FAT3: variants seen among roughly 807,000 people sequenced by gnomAD.
FAT3 encodes the protein protocadherin Fat 3.
Under a neutral mutation model 310.2 loss-of-function variants are expected in FAT3, and 95 were observed. The ratio of observed to expected loss-of-function variants is 0.31; its 90% confidence interval spans 0.26 to 0.36. FAT3 has a LOEUF of 0.36. Among genes scored for constraint, FAT3 ranks in the 10% least tolerant of loss-of-function variants. FAT3 has a pLI of 1.00. For missense variants in FAT3, 5,408 were observed against 5,715.6 expected (o/e 0.95, Z 1.74); for synonymous variants, 2,314 against 2,192.9 (o/e 1.06, Z -1.54).
rs527901788 is a variant in FAT3, at chr11:92,570,598, C to T, written c.3607+45650C>T. Among the ~76,000 whole-genome samples, 10 of 152,160 alleles carry T rather than the reference C, an allele frequency of 6.6e-5. No homozygotes were observed. The East Asian group carries it at 1.7e-3, about 26-fold the overall frequency. ...ACCCATCAGAATATTCTAAAGAAAA[C>T]CTATAGGTAAGATTTGGGTATTTAT... On this transcript the variant is annotated intron_variant, in intron 3 of 27. Coordinates refer to ENST00000525166, the MANE Select transcript of FAT3 (RefSeq NM_001367949.2).
intron 9 of FAT3, among the ~76,000 whole-genome samples, chr11:92,793,619 A>G (rs1327046707): frequency 6.6e-6 from 1 of 152,224 alleles, no homozygotes. Flanking sequence ...ACTGATAGCT[A>G]GAAAGCTTTT....
At chr11:92,359,197 A>T (rs1948812681) in intron 2 of FAT3, among the ~76,000 whole-genome samples, 1 of 152,190 alleles carries the variant, frequency 6.6e-6, no homozygotes, top group Non-Finnish European at 1.5e-5. Flanking sequence ...AGCTCCTCAG[A>T]CAGTGGCTAC....
At position 92,418,485 on chromosome 11, in the gene FAT3, G is replaced by A. The variant is rs559576355; in HGVS notation, c.3292+63081G>A. Among the ~76,000 whole-genome samples, 31 of 119,672 alleles carry A rather than the reference G, an allele frequency of 2.6e-4. 1 individual carries two copies. Among genetic ancestry groups the A allele is most frequent in the African/African-American group, 1.0e-3 (31 of 29,836 alleles). 78.5% of individuals were successfully genotyped at this position (119,672 alleles called of 152,430 possible). A position where few individuals can be genotyped will look rare whatever the true frequency, so the allele number is the denominator to read the frequency against. ...TTTCATCATAACAATTTTTGGCATC[G>A]ATTAGACTCTGTGCCTTGCTGTTGT... On this transcript the variant is annotated intron_variant, in intron 2 of 27. Transcript: ENST00000525166.
chr11:92,751,416 C>A (rs527373301), intron 4 of FAT3, among the ~76,000 whole-genome samples: 15 of 152,324 alleles, frequency 9.8e-5, no homozygotes, highest in African/African-American at 3.6e-4. Context: ...ACCACCCAGG[C>A]CCTCCCTCTC....
chr11:92,343,323 ATT>A (rs34180558), intron 1 of FAT3, among the ~76,000 whole-genome samples: 6 of 151,456 alleles, frequency 4.0e-5, no homozygotes, highest in African/African-American at 1.5e-4. Context: ...TTGGTTAGGG[ATT>A]TTTTTTTCCC....
At chr11:92,413,152 C>T (rs1384092852) in intron 2 of FAT3, among the ~76,000 whole-genome samples, 1 of 152,114 alleles carries the variant, frequency 6.6e-6, no homozygotes, top group Non-Finnish European at 1.5e-5. Context: ...CATAATTTTG[C>T]CTTTTTCATA....
chr11:92,411,693 CA>C (rs1292031046), intron 2 of FAT3, among the ~76,000 whole-genome samples: 2 of 151,956 alleles, frequency 1.3e-5, no homozygotes, highest in African/African-American at 2.4e-5. Context: ...GCAAAGTTCG[CA>C]AAGTCATTAA....
intron 1 of FAT3, among the ~76,000 whole-genome samples, chr11:92,335,761 A>T (rs1429085811): frequency 1.3e-5 from 2 of 152,216 alleles, no homozygotes; most frequent in Non-Finnish European, 2.9e-5. Context: ...TGTGTGTCAC[A>T]TCAATTATGA....
intron 1 of FAT3, among the ~76,000 whole-genome samples, chr11:92,339,216 A>G (rs145916109): frequency 1.8e-3 from 279 of 152,290 alleles, no homozygotes; most frequent in African/African-American, 6.3e-3. Context: ...ATTTAGTAGC[A>G]TCTCTGGCCT....
chr11:92,460,750 T>G (rs185407135), intron 2 of FAT3, among the ~76,000 whole-genome samples: 14 of 152,332 alleles, frequency 9.2e-5, no homozygotes, highest in Middle Eastern at 3.4e-3. Context: ...CACATGCACC[T>G]AGTACCTCTA....
intron 2 of FAT3, among the ~76,000 whole-genome samples, chr11:92,440,905 A>G (rs1176721864): frequency 6.6e-6 from 1 of 152,208 alleles, no homozygotes; most frequent in Non-Finnish European, 1.5e-5. Context: ...CCTCAGGTAC[A>G]TTCCTTAACC....
Position 92,566,149 on chromosome 11 carries a change from T to C in FAT3, c.3607+41201T>C, listed in dbSNP as rs1432331353. On this transcript the variant is annotated intron_variant, in intron 3 of 27. Transcript: ENST00000525166. Reference sequence around the variant, plus strand: ...TATCTAGAAAACCCCATTGTCTCAGTACAAAATCTCCTTAAGCTGATAAGC... The same window carrying C: ...TATCTAGAAAACCCCATTGTCTCAGCACAAAATCTCCTTAAGCTGATAAGC... Among the ~76,000 whole-genome samples the C allele has an allele frequency of 1.2e-3, 187 of 152,148 alleles. No individual in the cohort carries two copies. In the East Asian group the frequency reaches 0.016, roughly 13 times the overall value.
chr11:92,880,037 G>A (rs1375069683), intron 22 of FAT3, among the ~76,000 whole-genome samples: 1 of 151,792 alleles, frequency 6.6e-6, no homozygotes, highest in African/African-American at 2.4e-5. Context: ...CATCTCAAGA[G>A]GTCGATAATG....
In FAT3 at chr11:92,836,664, G is replaced by C; in HGVS notation, c.10185G>C (p.Leu3395Phe). 1 of 1,613,544 alleles carries C rather than the reference G, an allele frequency of 6.2e-7. No individual in the cohort carries two copies. The highest frequency in any genetic ancestry group is 8.5e-7 in the Non-Finnish European group (1 of 1,179,682). The change falls in exon 16 of 28, where the codon TTG (leucine) becomes TTC (phenylalanine). Residue 3395 changes from leucine (L) to phenylalanine (F), a missense_variant. By Grantham distance (22) the Leu-to-Phe change is conservative. This residue lies in a region of FAT3 where 4,588 missense variants were observed against 4,809.8 expected (regional missense o/e 0.95). Coordinates refer to ENST00000525166, the MANE Select transcript of FAT3 (RefSeq NM_001367949.2). ...RDNEFTVDPV[L>F]GLVKVKKKLD... ...ATGAATTTACTGTAGATCCTGTCTT[G>C]GGACTTGTGAAAGTTAAGAAGAAAT... is the stretch of plus-strand genomic sequence containing the variant.
chr11:92,559,382 C>CTTTT, intron 3 of FAT3: 1 of 163,698 alleles, frequency 6.1e-6, no homozygotes, highest in Non-Finnish European at 1.2e-5. Flanking sequence ...TACTTATTTT[C>CTTTT]CTTTTTTTTT....
chr11:92,262,335 T>A (rs1332681136), intron 1 of FAT3, among the ~76,000 whole-genome samples: 1 of 152,144 alleles, frequency 6.6e-6, no homozygotes, highest in African/African-American at 2.4e-5. Context: ...AGAAGTTGCT[T>A]CAATGGTTCT....
chr11:92,667,432 G>T (rs756758858), intron 3 of FAT3, among the ~76,000 whole-genome samples: 3 of 152,012 alleles, frequency 2.0e-5, no homozygotes, highest in Non-Finnish European at 4.4e-5. Context: ...AAAAAACCAA[G>T]AGAACATCAC....
intron 2 of FAT3, among the ~76,000 whole-genome samples, chr11:92,395,824 C>T (rs1949856159): frequency 6.6e-6 from 1 of 152,092 alleles, no homozygotes; most frequent in South Asian, 2.1e-4. Flanking sequence ...GGTGATCCTC[C>T]CACCTTGGCC....
chr11:92,497,665 T>TA (rs1280400604), intron 2 of FAT3, among the ~76,000 whole-genome samples: 2 of 152,038 alleles, frequency 1.3e-5, no homozygotes, highest in Non-Finnish European at 2.9e-5. Flanking sequence ...TGACACAGTT[T>TA]AAATTAGTCA....
Sources: gnomAD v4.1 joint callset for allele counts (sites outside exome capture counted in the v4.1 genomes callset) on GRCh38, gnomAD v4.1.1 for gene constraint, gnomAD v4.1.1 regional missense constraint, MANE v1.5 for transcripts, NCBI Gene and HGNC (gene_info 2026-07-23, HGNC 2026-07-21) for gene names.